CATSPERD: variants seen among roughly 807,000 people sequenced by gnomAD.
The protein encoded by CATSPERD is catsper channel auxiliary subunit delta, also known as cation channel sperm-associated auxiliary subunit delta.
In CATSPERD, 86 loss-of-function variants were observed where a neutral mutation model predicts 98.1. The observed-to-expected ratio is 0.88, with a 90% CI of 0.74 to 1.05. CATSPERD has a LOEUF of 1.05. CATSPERD is among the 50% of genes least tolerant of loss of function. The probability of loss-of-function intolerance (pLI) is 0.00; values close to 1 mark genes in which losing one functional copy is unlikely to be tolerated. For synonymous variants in CATSPERD, 394 were observed against 390.2 expected (o/e 1.01, Z -0.12); for missense variants, 995 against 1,005.7 (o/e 0.99, Z 0.14).
intron 14 of CATSPERD, among the ~76,000 whole-genome samples, 153 bp from the exon 15 acceptor site, chr19:5,758,923 CAAAAAAAAAA>C (rs1002375684): frequency 2.5e-5 from 1 of 39,496 alleles, no homozygotes; most frequent in African/African-American, 8.9e-5. Flanking sequence ...GACTCCATCT[CAAAAAAAAAA>C]AAAAAAAAAA....
At chr19:5,751,559 AAAAAAAAAAT>A in intron 11 of CATSPERD, 78 bp from the exon 12 acceptor site, 7 of 471,894 alleles carry the variant, frequency 1.5e-5, no homozygotes, top group East Asian at 5.0e-5. Context: ...AAAAAAAAAA[AAAAAAAAAAT>A]CTGCATCATG....
At chr19:5,740,211 G>T (rs1395672434) in intron 7 of CATSPERD, among the ~76,000 whole-genome samples, 1 of 151,552 alleles carries the variant, frequency 6.6e-6, no homozygotes, top group Non-Finnish European at 1.5e-5. Flanking sequence ...AACCCGGGAG[G>T]CAGAGGTTGC....
At chr19:5,773,765 A>C (rs2056692201) in intron 20 of CATSPERD, among the ~76,000 whole-genome samples, 2 of 149,746 alleles carry the variant, frequency 1.3e-5, no homozygotes, top group Admixed American at 1.3e-4. Flanking sequence ...CCTGGGCTGA[A>C]GCGATCCTCC....
chr19:5,767,438 C>T (rs1431438931), intron 17 of CATSPERD, among the ~76,000 whole-genome samples: 2 of 149,900 alleles, frequency 1.3e-5, no homozygotes, highest in Non-Finnish European at 3.0e-5. Flanking sequence ...CATATCTGCT[C>T]ATTTGGCAAC....
rs756997307 is a variant in CATSPERD, at chr19:5,778,402, GCAT to G, written c.2125_2127del (p.Ile709del). 4 of 1,611,704 alleles carry G rather than the reference GCAT, an allele frequency of 2.5e-6. No individual in the cohort carries two copies. Among genetic ancestry groups the G allele is most frequent in the African/African-American group, 1.3e-5 (1 of 74,986 alleles). On this transcript the variant is annotated inframe_deletion, in exon 22 of 22. Transcript: ENST00000381624. ...TACTGTCAACTGGAGACCATCTTTA[GCAT>G]CTACGTGTATGGAGCATTCCCCGTG...
chr19:5,721,322 C>G (rs562988522), intron 1 of CATSPERD, among the ~76,000 whole-genome samples: 157 of 150,768 alleles, frequency 1.0e-3, no homozygotes, highest in African/African-American at 3.7e-3. Context: ...ACTTCTTTTT[C>G]TTTTTGGAGC....
rs764965582 is a variant in CATSPERD, at chr19:5,720,737, G to T, written c.-1G>T. On this transcript the variant is annotated 5_prime_UTR_variant, in exon 1 of 22. Transcript: ENST00000381624. ...AGTGGTGGCGGCGGAAGCCCAAGTC[G>T]ATGCTGATGTTGATGCTGGTGGCGG... The T allele has an allele frequency of 2.7e-5, 44 of 1,606,524 alleles. No individual in the cohort carries two copies. Among genetic ancestry groups the T allele is most frequent in the African/African-American group, 5.3e-5 (4 of 74,910 alleles).
At chr19:5,751,186 A>T (rs2056207245) in intron 11 of CATSPERD, among the ~76,000 whole-genome samples, 1 of 102,596 alleles carries the variant, frequency 9.7e-6, no homozygotes, top group Non-Finnish European at 1.8e-5. Context: ...CGACAGAACA[A>T]GATTCCGTCT....
At chr19:5,766,050 T>C in intron 16 of CATSPERD, 53 bp from the exon 17 acceptor site, 1 of 1,441,374 alleles carries the variant, frequency 6.9e-7, no homozygotes, top group Non-Finnish European at 9.7e-7. Context: ...GTTCACTGTG[T>C]CCGGGTGACC....
rs1268470020 is a variant in CATSPERD, at chr19:5,778,291, T to C, written c.2097-85T>C. The C allele has an allele frequency of 4.9e-6, 6 of 1,224,420 alleles. No homozygotes were observed. The Admixed American group carries it at 1.0e-4, about 20-fold the overall frequency. 75.8% of individuals were successfully genotyped at this position (1,224,420 alleles called of 1,614,324 possible). A position where few individuals can be genotyped will look rare whatever the true frequency, so the allele number is the denominator to read the frequency against. ...GCTGTGGGCCTGGTTCTCCCTCCTG[T>C]GGGTCTGAACACCTTTGCCAGAGAT... is the stretch of plus-strand genomic sequence containing the variant. On this transcript the variant is annotated intron_variant, in intron 21 of 21. Transcript: ENST00000381624.
In CATSPERD at chr19:5,770,926, C is replaced by T. The variant is rs376051394; in HGVS notation, c.1635-18C>T. The T allele has an allele frequency of 6.0e-5, 96 of 1,593,114 alleles. No homozygotes were observed. The highest frequency in any genetic ancestry group is 8.0e-5 in the Non-Finnish European group (94 of 1,171,206). On this transcript the variant is annotated intron_variant, in intron 18 of 21. Coordinates refer to ENST00000381624, the MANE Select transcript of CATSPERD (RefSeq NM_152784.4). ...GGAACTCACAGACTCCCCATCTCTG[C>T]TTCTTGGTGTCTTGAAGGGAATTCT...
chr19:5,721,805 A>G (rs557481607), intron 1 of CATSPERD, among the ~76,000 whole-genome samples: 1 of 152,172 alleles, frequency 6.6e-6, no homozygotes, highest in East Asian at 1.9e-4. Flanking sequence ...CCTGGCCAAC[A>G]TGATGAAACC....
chr19:5,723,691 C>T (rs1457128664), intron 1 of CATSPERD, among the ~76,000 whole-genome samples: 1 of 151,784 alleles, frequency 6.6e-6, no homozygotes, highest in Non-Finnish European at 1.5e-5. Flanking sequence ...GTCTCGATCT[C>T]CTGACTTCGT....
At chr19:5,741,437 T>C (rs1037498066) in intron 7 of CATSPERD, among the ~76,000 whole-genome samples, 4 of 152,034 alleles carry the variant, frequency 2.6e-5, no homozygotes, top group African/African-American at 9.7e-5. Context: ...GCTCCCAAGA[T>C]GGTGCCTATG....
chr19:5,758,923 CAA>C (rs1002375684), intron 14 of CATSPERD, among the ~76,000 whole-genome samples, 161 bp from the exon 15 acceptor site: 8 of 39,500 alleles, frequency 2.0e-4, no homozygotes, highest in Admixed American at 1.6e-3. Flanking sequence ...GACTCCATCT[CAA>C]AAAAAAAAAA....
At chr19:5,758,573 C>CAA (rs71172762) in intron 14 of CATSPERD, among the ~76,000 whole-genome samples, 10 of 109,662 alleles carry the variant, frequency 9.1e-5, no homozygotes, top group African/African-American at 3.1e-4. Flanking sequence ...ACTAAAAATA[C>CAA]AAAAAAAAAA....
At chr19:5,750,313 G>T (rs528340857) in intron 11 of CATSPERD, among the ~76,000 whole-genome samples, 1 of 150,246 alleles carries the variant, frequency 6.7e-6, no homozygotes, top group Non-Finnish European at 1.5e-5. Flanking sequence ...TTAGCCGGGC[G>T]TGGTGGCGGC....
At chr19:5,776,417 C>T in intron 21 of CATSPERD, 102 bp downstream of exon 21, 1 of 1,315,922 alleles carries the variant, frequency 7.6e-7, no homozygotes, top group Non-Finnish European at 1.1e-6. Flanking sequence ...ACCTGAATTC[C>T]CCCAACAGCC....
chr19:5,756,493 A>T (rs80055468), intron 13 of CATSPERD, among the ~76,000 whole-genome samples: 3,365 of 152,218 alleles, frequency 0.022, 116 homozygotes, highest in African/African-American at 0.077. Flanking sequence ...ATCTATTTGT[A>T]CAAACATTCA....
Sources: allele counts gnomAD v4.1 joint callset (sites outside exome capture counted in the v4.1 genomes callset), GRCh38; gene constraint gnomAD v4.1.1; transcripts MANE v1.5; gene names NCBI Gene and HGNC (gene_info 2026-07-23, HGNC 2026-07-21).